Variants in SGO2 observed in about 807,000 individuals in gnomAD.
SGO2 encodes shugoshin-like 2.
A neutral mutation model predicts 99.5 loss-of-function variants in SGO2; 68 were observed. That is an observed-to-expected ratio of 0.68 (90% CI 0.56 to 0.84). The LOEUF (loss-of-function observed/expected upper bound fraction) is 0.84, where lower values mean the gene tolerates loss of function less well. Among genes scored for constraint, SGO2 ranks in the 40% least tolerant of loss-of-function variants. The pLI is 0.00. For synonymous variants in SGO2, 457 were observed against 487.1 expected (o/e 0.94, Z 0.81); for missense variants, 1,350 against 1,436.7 (o/e 0.94, Z 0.97).
Position 200,573,576 on chromosome 2 carries a change from C to A in SGO2, c.3230C>A (p.Ser1077Tyr), listed in dbSNP as rs1176403293. Residue 1077 changes from serine to tyrosine, a missense_variant, in exon 7 of 9, where the codon TCT (serine) becomes TAT (tyrosine). Physicochemically the swap from Ser to Tyr is moderately radical, Grantham distance 144 (BLOSUM62 -2). Coordinates refer to ENST00000357799, the MANE Select transcript of SGO2 (RefSeq NM_152524.6). ...CQVKKVNKMT[S>Y]KSKKRKTSID... is the part of the protein sequence containing the mutation. ...GTTAAAAAGGTAAATAAAATGACAT[C>A]TAAGTCAAAGAAAAGGAAGACCTCC... 5 of 1,605,690 alleles carry A rather than the reference C, an allele frequency of 3.1e-6. No homozygotes were observed. The South Asian group carries it at 5.6e-5, about 18-fold the overall frequency.
intron 8 of SGO2, among the ~76,000 whole-genome samples, chr2:200,579,161 A>C (rs777081450): frequency 3.3e-5 from 5 of 152,236 alleles, no homozygotes; most frequent in Non-Finnish European, 5.9e-5. Context: ...TTATATATGG[A>C]CATGTAACTG....
At chr2:200,526,193 A>C (rs1050431010), upstream of SGO2, 5 of 152,410 alleles carry the variant, frequency 3.3e-5, no homozygotes, top group Non-Finnish European at 5.9e-5. This position sits in a 1 kb window ranked among gnomAD's most constrained non-coding sequence, Gnocchi z 4.8. Flanking sequence ...CCCAAGCCGC[A>C]GCCGCTGCTG....
intron 2 of SGO2, among the ~76,000 whole-genome samples, chr2:200,534,465 C>T (rs2031589989): frequency 6.6e-6 from 1 of 152,166 alleles, no homozygotes; most frequent in African/African-American, 2.4e-5. Context: ...GATTATCTAT[C>T]TAACATTAGA....
intron 4 of SGO2, among the ~76,000 whole-genome samples, chr2:200,536,901 G>A (rs538190349): frequency 5.3e-5 from 8 of 152,032 alleles, no homozygotes; most frequent in Admixed American, 2.0e-4. Flanking sequence ...TTTCTTCTCC[G>A]TTCTGTCTTC....
chr2:200,545,226 T>C (rs912480423), intron 5 of SGO2, among the ~76,000 whole-genome samples: 2 of 152,088 alleles, frequency 1.3e-5, no homozygotes, highest in Non-Finnish European at 2.9e-5. Flanking sequence ...AGGCTAGTCT[T>C]GAACTCCTGA....
intron 8 of SGO2, among the ~76,000 whole-genome samples, chr2:200,577,098 A>G (rs1396218465): frequency 6.6e-6 from 1 of 151,328 alleles, no homozygotes; most frequent in African/African-American, 2.4e-5. Context: ...TAATTGTTTG[A>G]GGAACTGCCA....
chr2:200,583,449 C>T lies in SGO2; in HGVS notation c.3783C>T (p.Asp1261=), dbSNP rs1354106623. 1 of 1,580,786 alleles carries T rather than the reference C, an allele frequency of 6.3e-7. No individual in the cohort carries two copies. Among genetic ancestry groups the T allele is most frequent in the Non-Finnish European group, 8.6e-7 (1 of 1,166,022 alleles). ...ATCTTCCTTTTTTTCTACTTTGCAG[C>T]AAGATGAGAAGATGAAGTGAATTTA... The part of the protein sequence containing the change: ...PFYFKEPSLR[D]KMRR Residue 1261 remains aspartate (D), a splice_region_variant and synonymous_variant, in exon 9 of 9, where the codon GAC becomes GAT. Transcript: ENST00000357799.
At chr2:200,536,685 C>T (rs2031708931) in intron 4 of SGO2, among the ~76,000 whole-genome samples, 1 of 152,102 alleles carries the variant, frequency 6.6e-6, no homozygotes, top group South Asian at 2.1e-4. Context: ...GGTGAAGGCA[C>T]AGTATACATT....
chr2:200,575,443 A>T lies in SGO2; in HGVS notation c.3764A>T (p.Lys1255Ile). The change falls in exon 8 of 9, where the codon AAA becomes ATA. Residue 1255 changes from lysine (K) to isoleucine (I), a missense_variant. Coordinates refer to ENST00000357799, the MANE Select transcript of SGO2 (RefSeq NM_152524.6). ...RRRRCTPFYFKEPSLRDKMRR is the reference protein window; with the variant it reads ...RRRRCTPFYFIEPSLRDKMRR ...AGAAGGTGTACTCCTTTCTATTTTA[A>T]AGAGCCAAGCCTCAGAGAGTAAGTA... 6.3e-7 allele frequency: 1 copy of T among 1,595,138 alleles called. No homozygotes were observed. Among genetic ancestry groups the T allele is most frequent in the Non-Finnish European group, 8.6e-7 (1 of 1,168,158 alleles).
At chr2:200,530,998 G>A (rs1164427725) in intron 1 of SGO2, among the ~76,000 whole-genome samples, 1 of 152,176 alleles carries the variant, frequency 6.6e-6, no homozygotes, top group African/African-American at 2.4e-5. Context: ...AACAAAAGAG[G>A]GTTCTTTAAG....
chr2:200,566,892 G>T (rs1172004371), intron 5 of SGO2, among the ~76,000 whole-genome samples: 14 of 152,196 alleles, frequency 9.2e-5, no homozygotes, highest in Admixed American at 9.2e-4. Context: ...TAATCTCCTG[G>T]TGTGCCATTT....
chr2:200,557,490 G>A (rs775946093), intron 5 of SGO2, among the ~76,000 whole-genome samples: 19 of 152,084 alleles, frequency 1.2e-4, no homozygotes, highest in East Asian at 5.8e-4. Flanking sequence ...ATTGGAAAGC[G>A]TCCTGATCCA....
At position 200,571,784 on chromosome 2, in the gene SGO2, G is replaced by T; in HGVS notation, c.1438G>T (p.Glu480Ter). Reference protein sequence around the residue: ...LKKMTLQTGFEQGDRENVLCN... With the variant: ...LKKMTLQTGF ...GAAAATGACCCTTCAAACTGGCTTT[G>T]AACAAGGTGACAGAGAAAATGTACT... The change falls in exon 7 of 9, where the codon GAA (glutamate) becomes TAA (stop). Residue 480 changes from glutamate (E) to a stop codon, truncating the protein, a stop_gained. Transcript: ENST00000357799. LOFTEE classifies it high-confidence loss of function. The T allele has an allele frequency of 6.2e-7, 1 of 1,613,578 alleles. No individual in the cohort carries two copies. The highest frequency in any genetic ancestry group is 1.1e-5 in the South Asian group (1 of 91,034).
At position 200,530,922 on chromosome 2, in the gene SGO2, G is replaced by T. The variant is rs370128899; in HGVS notation, c.-2-2052G>T. 1.5e-3 allele frequency among the ~76,000 whole-genome samples: 232 copies of T among 152,346 alleles called. 1 individual carries two copies. Among genetic ancestry groups the T allele is most frequent in the African/African-American group, 5.2e-3 (218 of 41,582 alleles). ...AAGTTGGAAACTGAGTATAGACAAT[G>T]TTTTCAAGGAGATTTGCTGTAAAGA... is the stretch of plus-strand genomic sequence containing the variant. On this transcript the variant is annotated intron_variant, in intron 1 of 8. Coordinates refer to ENST00000357799, the MANE Select transcript of SGO2 (RefSeq NM_152524.6).
intron 8 of SGO2, among the ~76,000 whole-genome samples, chr2:200,577,854 C>G (rs1156736118): frequency 1.3e-5 from 2 of 152,136 alleles, no homozygotes; most frequent in African/African-American, 2.4e-5. Context: ...AAGGCTTCAT[C>G]ATGTCAGTGT....
chr2:200,537,811 CT>C (rs1238467265), intron 4 of SGO2, among the ~76,000 whole-genome samples: 4 of 152,180 alleles, frequency 2.6e-5, no homozygotes, highest in Admixed American at 2.0e-4. Context: ...TACTTGGCAT[CT>C]GTTTGGATGT....
At chr2:200,578,415 A>G (rs1029748613) in intron 8 of SGO2, among the ~76,000 whole-genome samples, 1 of 152,180 alleles carries the variant, frequency 6.6e-6, no homozygotes, top group African/African-American at 2.4e-5. Context: ...ATCTGGATGC[A>G]GCTTAATTAG....
At chr2:200,557,353 C>G (rs1347907302) in intron 5 of SGO2, among the ~76,000 whole-genome samples, 1 of 152,098 alleles carries the variant, frequency 6.6e-6, no homozygotes, top group African/African-American at 2.4e-5. Flanking sequence ...GGCCTCTAAC[C>G]CAATCCCATC....
chr2:200,543,592 A>C (rs1439511132), intron 5 of SGO2: 1 of 152,190 alleles, frequency 6.6e-6, no homozygotes, highest in Non-Finnish European at 1.5e-5. Flanking sequence ...TTGAAATGCT[A>C]TCTGTGCCAT....
Sources: gnomAD v4.1 joint callset for allele counts (sites outside exome capture counted in the v4.1 genomes callset) on GRCh38, gnomAD v4.1.1 for gene constraint, Gnocchi (gnomAD v3.1) non-coding constraint, MANE v1.5 for transcripts, NCBI Gene and HGNC (gene_info 2026-07-23, HGNC 2026-07-21) for gene names.